The following MAF variants were observed in gnomAD, a reference collection of about 807,000 sequenced individuals.
MAF encodes MAF bZIP transcription factor.
MAF carries 10 observed loss-of-function variants against 22.0 expected under a neutral mutation model. The ratio of observed to expected loss-of-function variants is 0.45; its 90% CI spans 0.28 to 0.77. MAF has a LOEUF of 0.77. Among genes scored for constraint, MAF ranks in the 30% least tolerant of loss-of-function variants. The probability of loss-of-function intolerance (pLI) is 0.12; values close to 1 mark genes in which losing one functional copy is unlikely to be tolerated. For synonymous variants in MAF, 337 were observed against 255.8 expected, an observed-to-expected ratio of 1.32 and a Z score of -3.03; for missense variants, 544 against 548.4, an observed-to-expected ratio of 0.99 and a Z score of 0.08.
chr16:79,497,799 T>C, the MAF span, among the ~76,000 whole-genome samples: 2 of 152,190 alleles, frequency 1.3e-5, no homozygotes, highest in African/African-American at 2.4e-5. Context: ...CCTCTGAATT[T>C]TTCCCAGCAA....
At chr16:79,351,782 G>A in the MAF span, among the ~76,000 whole-genome samples, 2 of 152,130 alleles carry the variant, frequency 1.3e-5, no homozygotes, top group African/African-American at 4.8e-5. Flanking sequence ...TCGGGCAGAA[G>A]CCTGGAACGG....
At chr16:79,437,142 C>G in the MAF span, among the ~76,000 whole-genome samples, 9,401 of 39,048 alleles carry the variant, frequency 0.24, 317 homozygotes, top group Middle Eastern at 0.35. Flanking sequence ...AGCTCTCTCT[C>G]TCTCTGTGTG....
the MAF span, among the ~76,000 whole-genome samples, chr16:79,529,136 G>A: frequency 6.6e-6 from 1 of 152,180 alleles, no homozygotes; most frequent in Non-Finnish European, 1.5e-5. Context: ...GTGGCCTCCT[G>A]AAGCAGATTG....
At chr16:79,517,660 T>C in the MAF span, among the ~76,000 whole-genome samples, 2 of 149,184 alleles carry the variant, frequency 1.3e-5, no homozygotes, top group Non-Finnish European at 3.0e-5. Flanking sequence ...CTGCAATCTC[T>C]GCCTCCTGGG....
chr16:79,595,278 C>T (rs555884966), intron 1 of MAF: 59 of 1,048,808 alleles, frequency 5.6e-5, no homozygotes, highest in South Asian at 1.4e-4. Flanking sequence ...GTCAAAATGT[C>T]GAGGTTACAC....
the MAF span, among the ~76,000 whole-genome samples, chr16:79,285,465 T>A: frequency 6.6e-6 from 1 of 151,976 alleles, no homozygotes; most frequent in Non-Finnish European, 1.5e-5. Flanking sequence ...TTTCCGAAAA[T>A]TTGGTCCCTG....
At chr16:79,559,014 G>A in the MAF span, among the ~76,000 whole-genome samples, 1 of 152,158 alleles carries the variant, frequency 6.6e-6, no homozygotes, top group Non-Finnish European at 1.5e-5. Flanking sequence ...CCTAGGATGT[G>A]TCTTTTCAAT....
the MAF span, among the ~76,000 whole-genome samples, chr16:79,451,353 G>T: frequency 1.3e-5 from 2 of 152,170 alleles, no homozygotes; most frequent in African/African-American, 2.4e-5. Flanking sequence ...TGGTAAAAGG[G>T]TGACAGCAGA....
chr16:79,380,737 G>C, the MAF span, among the ~76,000 whole-genome samples: 1 of 152,200 alleles, frequency 6.6e-6, no homozygotes, highest in Admixed American at 6.5e-5. Flanking sequence ...GAAGACTGAG[G>C]CCATAGAGCT....
the MAF span, among the ~76,000 whole-genome samples, chr16:79,486,916 G>A: frequency 1.3e-5 from 2 of 152,094 alleles, no homozygotes; most frequent in African/African-American, 4.8e-5. Flanking sequence ...CCTCCTACAA[G>A]GTGGATTTTG....
the MAF span, among the ~76,000 whole-genome samples, chr16:79,555,114 A>G: frequency 6.6e-6 from 1 of 152,204 alleles, no homozygotes; most frequent in Non-Finnish European, 1.5e-5. Flanking sequence ...CTGTCTGGAA[A>G]TGAACAACTG....
the MAF span, among the ~76,000 whole-genome samples, chr16:79,423,825 C>T: frequency 6.6e-6 from 1 of 152,164 alleles, no homozygotes; most frequent in Non-Finnish European, 1.5e-5. Flanking sequence ...CTAGCCTCCA[C>T]CTTTCTATTT....
chr16:79,426,602 G>C, the MAF span, among the ~76,000 whole-genome samples: 1 of 152,270 alleles, frequency 6.6e-6, no homozygotes, highest in Admixed American at 6.5e-5. Context: ...TGTGACCCAG[G>C]CCTGACCAAA....
the MAF span, among the ~76,000 whole-genome samples, chr16:79,231,672 G>A: frequency 3.5e-4 from 54 of 152,144 alleles, 1 homozygote; most frequent in African/African-American, 1.2e-3. Flanking sequence ...ATAACTATAT[G>A]GAACATGCTG....
At chr16:79,272,321 C>G in the MAF span, among the ~76,000 whole-genome samples, 1 of 152,222 alleles carries the variant, frequency 6.6e-6, no homozygotes, top group African/African-American at 2.4e-5. Flanking sequence ...TTGAAAGCCA[C>G]CACATGAAAA....
the MAF span, among the ~76,000 whole-genome samples, chr16:79,312,729 T>C: frequency 6.6e-6 from 1 of 152,250 alleles, no homozygotes; most frequent in Non-Finnish European, 1.5e-5. Flanking sequence ...GCAGGGCCTG[T>C]CTTCGTGCCT....
At chr16:79,464,347 A>G in the MAF span, among the ~76,000 whole-genome samples, 1 of 152,152 alleles carries the variant, frequency 6.6e-6, no homozygotes, top group Non-Finnish European at 1.5e-5. Context: ...TGAGGACCTC[A>G]GCTACTGCCC....
the MAF span, among the ~76,000 whole-genome samples, chr16:79,501,556 T>TA: frequency 0.042 from 6,347 of 152,228 alleles, 441 homozygotes; most frequent in African/African-American, 0.14. Context: ...AAGTCTAAGT[T>TA]AATTTTCCTG....
chr16:79,219,168 G>T, the MAF span, among the ~76,000 whole-genome samples: 35 of 152,226 alleles, frequency 2.3e-4, no homozygotes, highest in African/African-American at 7.9e-4. Flanking sequence ...GGCTCTCCAT[G>T]GCTCATTCAG....
Sources: gnomAD v4.1 joint callset for allele counts (sites outside exome capture counted in the v4.1 genomes callset) on GRCh38, gnomAD v4.1.1 for gene constraint, MANE v1.5 for transcripts, NCBI Gene and HGNC (gene_info 2026-07-23, HGNC 2026-07-21) for gene names.